The following SLC71A1 variants were observed in gnomAD, a reference collection of about 807,000 sequenced individuals.
SLC71A1 encodes the protein solute carrier family 71 member 1, also known as hippocampus abundant gene transcript 1.
chr1:100,059,144 G>GTGTTTT, the SLC71A1 span, among the ~76,000 whole-genome samples: 12 of 75,428 alleles, frequency 1.6e-4, no homozygotes, highest in African/African-American at 2.4e-4. Flanking sequence ...TCTTTTTCGT[G>GTGTTTT]TTTTTTTTTT....
At chr1:100,067,444 T>C in the SLC71A1 span, among the ~76,000 whole-genome samples, 1 of 152,022 alleles carries the variant, frequency 6.6e-6, no homozygotes, top group African/African-American at 2.4e-5. Context: ...ACAGACAGGG[T>C]TTCTCCATGT....
the SLC71A1 span, among the ~76,000 whole-genome samples, chr1:100,052,931 G>A: frequency 6.6e-6 from 1 of 151,848 alleles, no homozygotes; most frequent in South Asian, 2.1e-4. Context: ...CTATAGGCAC[G>A]TGCCAACATA....
the SLC71A1 span, chr1:100,049,974 T>C: frequency 2.5e-6 from 4 of 1,604,492 alleles, no homozygotes; most frequent in African/African-American, 5.4e-5. Context: ...AGTTTTTTGC[T>C]TGGGGACTAT....
the SLC71A1 span, among the ~76,000 whole-genome samples, chr1:100,042,204 C>G: frequency 6.6e-6 from 1 of 152,168 alleles, no homozygotes; most frequent in African/African-American, 2.4e-5. Flanking sequence ...GGAACTACAT[C>G]TCTGACAGTG....
chr1:100,059,380 G>A, the SLC71A1 span, among the ~76,000 whole-genome samples: 9 of 151,286 alleles, frequency 5.9e-5, no homozygotes, highest in Admixed American at 5.3e-4. Flanking sequence ...GGCTGGTCTC[G>A]AACTCCTGAC....
chr1:100,038,142 C>T, the SLC71A1 span: 1 of 1,175,518 alleles, frequency 8.5e-7, no homozygotes, highest in South Asian at 1.3e-5. Context: ...CAGAGCGGCT[C>T]GGCCCGGCAG....
At chr1:100,065,061 A>G in the SLC71A1 span, among the ~76,000 whole-genome samples, 5 of 151,928 alleles carry the variant, frequency 3.3e-5, no homozygotes, top group Admixed American at 6.6e-5. Flanking sequence ...TTTTGTAGTG[A>G]TGGAGTTTCA....
chr1:100,079,368 T>C, the SLC71A1 span: 8 of 152,164 alleles, frequency 5.3e-5, no homozygotes, highest in African/African-American at 1.9e-4. Context: ...TCTCTTTTTT[T>C]TTTTTGGTGG....
the SLC71A1 span, among the ~76,000 whole-genome samples, chr1:100,055,940 A>C: frequency 2.0e-5 from 3 of 151,892 alleles, no homozygotes; most frequent in Admixed American, 6.6e-5. Flanking sequence ...TTTAGTAGAG[A>C]TGGGGTTTCA....
At chr1:100,068,860 G>A in the SLC71A1 span, among the ~76,000 whole-genome samples, 1 of 152,076 alleles carries the variant, frequency 6.6e-6, no homozygotes, top group Admixed American at 6.6e-5. Context: ...GCGGGCACCT[G>A]TAATCCCAGC....
chr1:100,064,563 A>G, the SLC71A1 span, among the ~76,000 whole-genome samples: 2 of 152,318 alleles, frequency 1.3e-5, no homozygotes, highest in South Asian at 2.1e-4. Flanking sequence ...CAAGCAACCA[A>G]CAATTTAGCT....
the SLC71A1 span, chr1:100,038,118 T>G: frequency 1.1e-6 from 1 of 898,692 alleles, no homozygotes; most frequent in Non-Finnish European, 1.8e-6. Flanking sequence ...GCCCTCAAGA[T>G]GGCGGCGGGC....
chr1:100,065,990 G>A, the SLC71A1 span, among the ~76,000 whole-genome samples: 3 of 152,076 alleles, frequency 2.0e-5, no homozygotes, highest in Non-Finnish European at 4.4e-5. Context: ...CTATTTTTAT[G>A]AAGTGTTTCC....
chr1:100,075,777 C>T, the SLC71A1 span, among the ~76,000 whole-genome samples: 6 of 152,202 alleles, frequency 3.9e-5, no homozygotes, highest in East Asian at 1.9e-4. Context: ...CTCCTGGGCT[C>T]GAGTGATCCT....
chr1:100,053,152 A>G, the SLC71A1 span, among the ~76,000 whole-genome samples: 3 of 152,212 alleles, frequency 2.0e-5, no homozygotes, highest in Non-Finnish European at 4.4e-5. Flanking sequence ...AGAACAATAT[A>G]TTAATTCAAT....
chr1:100,046,363 A>G, the SLC71A1 span, among the ~76,000 whole-genome samples: 1 of 151,656 alleles, frequency 6.6e-6, no homozygotes, highest in East Asian at 1.9e-4. Flanking sequence ...AGGAACTGGG[A>G]TTACAGGTCC....
chr1:100,046,171 A>G, the SLC71A1 span, among the ~76,000 whole-genome samples: 1 of 136,250 alleles, frequency 7.3e-6, no homozygotes, highest in South Asian at 2.5e-4. Flanking sequence ...ATCACTTTGT[A>G]GTATAATTTG....
chr1:100,050,029 A>C, the SLC71A1 span: 2 of 1,178,620 alleles, frequency 1.7e-6, no homozygotes, highest in Non-Finnish European at 2.5e-6. Flanking sequence ...AAATTATTTA[A>C]CACTGACTCC....
chr1:100,046,213 T>G, the SLC71A1 span, among the ~76,000 whole-genome samples: 299 of 32,640 alleles, frequency 9.2e-3, 9 homozygotes, highest in African/African-American at 0.07. Context: ...CCAAGCCTCG[T>G]TTTTTTTTTT....
Sources: gnomAD v4.1 joint callset for allele counts (sites outside exome capture counted in the v4.1 genomes callset) on GRCh38, gnomAD v4.1.1 for gene constraint, MANE v1.5 for transcripts, NCBI Gene and HGNC (gene_info 2026-07-23, HGNC 2026-07-21) for gene names.